USP53: variants seen among roughly 807,000 people sequenced by gnomAD.
USP53 encodes ubiquitin specific peptidase 53, also known as ubiquitin carboxyl-terminal hydrolase 53.
Under a neutral mutation model 94.9 loss-of-function variants are expected in USP53, and 71 were observed. The observed-to-expected ratio is 0.75, with a 90% confidence interval of 0.62 to 0.91. USP53 has a LOEUF of 0.91. USP53 is among the 40% of genes least tolerant of loss of function. The pLI is 0.00. For missense variants in USP53, 1,173 were observed against 1,281.0 expected (o/e 0.92, Z 1.29); for synonymous variants, 375 against 422.7 (o/e 0.89, Z 1.39).
At chr4:119,252,144 A>G (rs545516175) in intron 7 of USP53, among the ~76,000 whole-genome samples, 7 of 152,148 alleles carry the variant, frequency 4.6e-5, no homozygotes, top group Non-Finnish European at 5.9e-5. Context: ...CCAGAATTTT[A>G]TTGAGGATTT....
chr4:119,253,729 A>C (rs1578483776), intron 7 of USP53, among the ~76,000 whole-genome samples: 3 of 152,246 alleles, frequency 2.0e-5, no homozygotes, highest in East Asian at 1.9e-4. Context: ...TTTAAGGTTA[A>C]TATTGTTATG....
intron 1 of USP53, among the ~76,000 whole-genome samples, chr4:119,213,717 G>A: frequency 6.8e-6 from 1 of 147,090 alleles, no homozygotes; most frequent in Non-Finnish European, 1.5e-5. Context: ...GAATATCTAA[G>A]GCTATTTTTG....
chr4:119,260,201 G>A (rs1192078698), intron 10 of USP53, among the ~76,000 whole-genome samples: 1 of 152,012 alleles, frequency 6.6e-6, no homozygotes, highest in East Asian at 1.9e-4. Flanking sequence ...TAAACTTGAT[G>A]AATGATGAAT....
In USP53 at chr4:119,293,915, A is replaced by G. The variant is rs1239182821; in HGVS notation, c.*704A>G. ...TTTGTAAGTTTTCAAGATCGGATGG[A>G]ATTTAATTTTGCTCCTAGAATTTTT... is the stretch of plus-strand genomic sequence containing the variant. On this transcript the variant is annotated 3_prime_UTR_variant, in exon 19 of 19. Coordinates refer to ENST00000692078, the MANE Select transcript of USP53 (RefSeq NM_001371395.1). 6.6e-6 allele frequency: 1 copy of G among 152,140 alleles called. No homozygotes were observed. The highest frequency in any genetic ancestry group is 2.4e-5 in the African/African-American group (1 of 41,460). The allele number at this position is 152,140 out of a possible 1,614,324, so 9.4% of individuals were successfully genotyped here.
At chr4:119,232,139 CACATGCCATGCA>C (rs1219137426) in intron 3 of USP53, among the ~76,000 whole-genome samples, 2 of 152,162 alleles carry the variant, frequency 1.3e-5, no homozygotes, top group African/African-American at 4.8e-5. Flanking sequence ...GAAATATAAT[CACATGCCATGCA>C]ATTCACCCTT....
chr4:119,246,466 C>A (rs905740935), intron 6 of USP53, among the ~76,000 whole-genome samples: 2 of 152,204 alleles, frequency 1.3e-5, no homozygotes, highest in African/African-American at 4.8e-5. Context: ...GAAAGAGCGA[C>A]CCTCAGATAT....
At chr4:119,272,341 T>A in intron 16 of USP53, 1 of 206,956 alleles carries the variant, frequency 4.8e-6, no homozygotes, top group Non-Finnish European at 9.7e-6. Context: ...TGTGTCACTG[T>A]CAACAATTGA....
intron 2 of USP53, among the ~76,000 whole-genome samples, chr4:119,215,696 G>A (rs1377466389): frequency 6.6e-6 from 1 of 151,654 alleles, no homozygotes; most frequent in Non-Finnish European, 1.5e-5. Context: ...GCTTCATTAG[G>A]CCACCAAAGA....
At chr4:119,250,271 A>G (rs535989817) in intron 7 of USP53, among the ~76,000 whole-genome samples, 1 of 152,312 alleles carries the variant, frequency 6.6e-6, no homozygotes, top group South Asian at 2.1e-4. Context: ...TCATTTTGTC[A>G]AGGTTCAGAC....
In USP53 at chr4:119,292,887, T is replaced by G; in HGVS notation, c.2898T>G (p.Ala966=). The G allele has an allele frequency of 1.2e-6, 2 of 1,614,078 alleles. No individual in the cohort carries two copies. The highest frequency in any genetic ancestry group is 2.2e-5 in the South Asian group (2 of 91,078). The change falls in exon 19 of 19, where the codon GCT becomes GCG. Residue 966 remains alanine, a synonymous_variant. Transcript: ENST00000692078. ...TTCCGAAGCACAGTTTAAGTACAGCTTCAGAACCAAGTTTAGAAGTGAGTA... is the reference window on the plus strand; with the variant it reads ...TTCCGAAGCACAGTTTAAGTACAGCGTCAGAACCAAGTTTAGAAGTGAGTA... ...SHLPKHSLST[A]SEPSLEVSTH... is the part of the protein sequence containing the mutation.
intron 2 of USP53, among the ~76,000 whole-genome samples, chr4:119,216,812 T>TAAAA (rs1743831637): frequency 6.6e-6 from 1 of 152,224 alleles, no homozygotes; most frequent in Admixed American, 6.5e-5. Context: ...GTTTAATATA[T>TAAAA]CAGTTTAAGG....
intron 3 of USP53, chr4:119,218,754 G>A (rs1282936087): frequency 1.3e-5 from 2 of 151,808 alleles, no homozygotes; most frequent in Non-Finnish European, 2.9e-5. Flanking sequence ...TCTTTTTTCT[G>A]ACACTATCTA....
intron 7 of USP53, among the ~76,000 whole-genome samples, chr4:119,254,468 T>C (rs1318105220): frequency 1.3e-5 from 2 of 152,164 alleles, no homozygotes; most frequent in African/African-American, 2.4e-5. Context: ...ATTTCATTAA[T>C]TAGATCTCCA....
At chr4:119,216,746 A>G (rs1032927176) in intron 2 of USP53, among the ~76,000 whole-genome samples, 5 of 152,230 alleles carry the variant, frequency 3.3e-5, no homozygotes, top group Non-Finnish European at 7.3e-5. Context: ...TAAGAAATTG[A>G]TATTTCATTG....
chr4:119,259,891 C>A lies in USP53; in HGVS notation c.641C>A (p.Ala214Glu). The A allele has an allele frequency of 6.2e-7, 1 of 1,611,928 alleles. No individual in the cohort carries two copies. Among genetic ancestry groups the A allele is most frequent in the Non-Finnish European group, 8.5e-7 (1 of 1,178,952 alleles). ...KPEMFAELLQ[A>E]ANTTDDYRKC... ...GAAATGTTTGCAGAATTGCTACAAGCAGCAAATACAACAGATGACTATAGG... is the reference window on the plus strand; with the variant it reads ...GAAATGTTTGCAGAATTGCTACAAGAAGCAAATACAACAGATGACTATAGG... Residue 214 changes from alanine to glutamate, a missense_variant, in exon 10 of 19, where the codon GCA (alanine) becomes GAA (glutamate). Transcript: ENST00000692078.
chr4:119,267,455 C>G lies in USP53; in HGVS notation c.1108C>G (p.His370Asp). 6.2e-7 allele frequency: 1 copy of G among 1,607,190 alleles called. No individual in the cohort carries two copies. The highest frequency in any genetic ancestry group is 1.7e-4 in the Middle Eastern group (1 of 6,032). Residue 370 changes from histidine to aspartate, a missense_variant, in exon 13 of 19, where the codon CAT (histidine) becomes GAT (aspartate). His to Asp is a moderately conservative substitution (Grantham distance 81). Transcript: ENST00000692078. ...ACTCAGGCAGGTCATCAGCTGGTCA[C>G]ATTACAAATCTGTTGCAGAAAATAT... ...DALRQVISWS[H>D]YKSVAENMGC...
At chr4:119,262,111 A>G (rs1398869745) in intron 12 of USP53, among the ~76,000 whole-genome samples, 1 of 152,216 alleles carries the variant, frequency 6.6e-6, no homozygotes, top group African/African-American at 2.4e-5. Flanking sequence ...GAATATTAGT[A>G]TACAAATATG....
chr4:119,284,866 C>T (rs1010592384), intron 17 of USP53, among the ~76,000 whole-genome samples: 1 of 151,768 alleles, frequency 6.6e-6, no homozygotes, highest in African/African-American at 2.4e-5. Context: ...GTGCTTTTGA[C>T]CATGAAAATC....
In USP53 at chr4:119,267,378, T is replaced by C. The variant is rs1407839151; in HGVS notation, c.1031T>C (p.Leu344Pro). Reference protein sequence around the residue: ...SKCIRCHFQPLLLFYANPDGT... With the variant: ...SKCIRCHFQPPLLFYANPDGT... ...TGCATTCGATGCCACTTTCAGCCACTACTTTTGTTTTATGCAAACCCAGAT... is the reference window on the plus strand; with the variant it reads ...TGCATTCGATGCCACTTTCAGCCACCACTTTTGTTTTATGCAAACCCAGAT... Residue 344 changes from leucine to proline, a missense_variant, in exon 13 of 19, where the codon CTA (leucine) becomes CCA (proline). Transcript: ENST00000692078. The C allele has an allele frequency of 1.2e-6, 2 of 1,614,042 alleles. No individual in the cohort carries two copies. Among genetic ancestry groups the C allele is most frequent in the African/African-American group, 2.7e-5 (2 of 74,930 alleles).
Sources: allele counts gnomAD v4.1 joint callset (sites outside exome capture counted in the v4.1 genomes callset), GRCh38; gene constraint gnomAD v4.1.1; transcripts MANE v1.5; gene names NCBI Gene and HGNC (gene_info 2026-07-23, HGNC 2026-07-21).